The following TASP1 variants were observed in gnomAD, a reference collection of about 807,000 sequenced individuals.
TASP1 encodes taspase 1.
TASP1 carries 16 observed loss-of-function variants against 56.6 expected under a neutral mutation model. The ratio of observed to expected loss-of-function variants is 0.28; its 90% CI spans 0.19 to 0.43. TASP1 has a LOEUF of 0.43. Among genes scored for constraint, TASP1 ranks in the 20% least tolerant of loss-of-function variants. The pLI, the probability that TASP1 is intolerant of heterozygous loss-of-function variation, is 1.00. For synonymous variants in TASP1, 179 were observed against 184.2 expected (o/e 0.97, Z 0.23); for missense variants, 393 against 511.6 (o/e 0.77, Z 2.24).
At chr20:13,606,589 C>T (rs1028005372) in intron 4 of TASP1, among the ~76,000 whole-genome samples, 3 of 152,012 alleles carry the variant, frequency 2.0e-5, no homozygotes, top group East Asian at 1.9e-4. Flanking sequence ...GGGCAGATCA[C>T]GAGGTCAGGA....
chr20:13,562,915 A>ATGTGTGTG (rs199844282), intron 7 of TASP1, among the ~76,000 whole-genome samples: 2 of 128,680 alleles, frequency 1.6e-5, no homozygotes, highest in African/African-American at 6.0e-5. Flanking sequence ...ACATATATAT[A>ATGTGTGTG]TGTGTGTGTG....
At chr20:13,434,701 C>CCT (rs2042943080) in intron 12 of TASP1, among the ~76,000 whole-genome samples, 1 of 152,062 alleles carries the variant, frequency 6.6e-6, no homozygotes, top group South Asian at 2.1e-4. Flanking sequence ...CAGGAAGAAG[C>CCT]CTCTCTATTA....
In TASP1 at chr20:13,389,445, C is replaced by T. The variant is rs1376185941; in HGVS notation, c.*915G>A. The T allele has an allele frequency of 2.6e-5, 4 of 152,186 alleles. No individual in the cohort carries two copies. The highest frequency in any genetic ancestry group is 5.9e-5 in the Non-Finnish European group (4 of 68,032). 9.4% of individuals were successfully genotyped at this position (152,186 alleles called of 1,614,324 possible). On this transcript the variant is annotated 3_prime_UTR_variant, in exon 14 of 14. Coordinates refer to ENST00000337743, the MANE Select transcript of TASP1 (RefSeq NM_017714.3). ...CTGAGAAGAGGAGTCACATACTATA[C>T]CCAGTAATACGCTTCTTTTATTTTT... is the stretch of plus-strand genomic sequence containing the variant.
intron 10 of TASP1, among the ~76,000 whole-genome samples, chr20:13,501,569 T>C (rs1157821998): frequency 6.6e-6 from 1 of 151,774 alleles, no homozygotes; most frequent in Non-Finnish European, 1.5e-5. Flanking sequence ...ACATAATACA[T>C]AGAATGATGG....
chr20:13,300,782 G>C, the TASP1 span: 1 of 152,174 alleles, frequency 6.6e-6, no homozygotes, highest in Non-Finnish European at 1.5e-5. Flanking sequence ...CATGATTGTG[G>C]GTGGTGTAAG....
the TASP1 span, among the ~76,000 whole-genome samples, chr20:13,351,911 T>C: frequency 6.6e-6 from 1 of 152,220 alleles, no homozygotes; most frequent in Non-Finnish European, 1.5e-5. Context: ...ATATAACTAG[T>C]AAGCACTTGA....
chr20:13,247,903 CA>C, the TASP1 span, among the ~76,000 whole-genome samples: 2 of 152,168 alleles, frequency 1.3e-5, no homozygotes, highest in African/African-American at 2.4e-5. Context: ...AACCACAGTG[CA>C]AAAGTGACAT....
chr20:13,328,014 C>T, the TASP1 span, among the ~76,000 whole-genome samples: 5 of 152,100 alleles, frequency 3.3e-5, no homozygotes, highest in African/African-American at 4.8e-5. Flanking sequence ...TTAGAGTGAA[C>T]AGACAACCTA....
At chr20:13,511,939 C>G (rs576143225) in intron 10 of TASP1, among the ~76,000 whole-genome samples, 1 of 152,158 alleles carries the variant, frequency 6.6e-6, no homozygotes, top group South Asian at 2.1e-4. Flanking sequence ...ATGAACTCAT[C>G]CTTTTTTATG....
At chr20:13,524,658 T>C (rs1402471816) in intron 10 of TASP1, among the ~76,000 whole-genome samples, 2 of 152,308 alleles carry the variant, frequency 1.3e-5, no homozygotes, top group Non-Finnish European at 2.9e-5. Context: ...GAAAAGCTTT[T>C]ACTATAATTT....
intron 13 of TASP1, among the ~76,000 whole-genome samples, chr20:13,403,251 C>T (rs1405535146): frequency 6.6e-6 from 1 of 152,166 alleles, no homozygotes; most frequent in Non-Finnish European, 1.5e-5. Context: ...GTTAGAGTTG[C>T]ATTTTGTCAA....
At chr20:13,605,981 TCCAGC>T (rs1273070907) in intron 4 of TASP1, among the ~76,000 whole-genome samples, 6 of 152,094 alleles carry the variant, frequency 3.9e-5, no homozygotes, top group African/African-American at 1.4e-4. Context: ...CTTACCACAC[TCCAGC>T]CCACACTGCG....
chr20:13,387,174 A>T (rs1370797654), downstream of TASP1, among the ~76,000 whole-genome samples: 1 of 142,040 alleles, frequency 7.0e-6, no homozygotes, highest in Non-Finnish European at 1.5e-5. Flanking sequence ...GCCAGAGAGG[A>T]CATGATTTCA....
At chr20:13,585,375 T>G (rs2180569) in intron 5 of TASP1, among the ~76,000 whole-genome samples, 68,494 of 152,016 alleles carry the variant, frequency 0.45, 15,885 homozygotes, top group South Asian at 0.56. Context: ...AAACTTCTAT[T>G]CATCAAAAAA....
At chr20:13,382,664 G>A in the TASP1 span, among the ~76,000 whole-genome samples, 5 of 152,134 alleles carry the variant, frequency 3.3e-5, no homozygotes, top group African/African-American at 1.2e-4. Context: ...ATAAATAACT[G>A]TGTTTTGTCT....
the TASP1 span, among the ~76,000 whole-genome samples, chr20:13,286,223 T>C: frequency 6.6e-6 from 1 of 152,176 alleles, no homozygotes; most frequent in Non-Finnish European, 1.5e-5. Flanking sequence ...CCGCTGCACC[T>C]GGATGCTTCT....
At chr20:13,420,610 A>G (rs1010971442) in intron 12 of TASP1, among the ~76,000 whole-genome samples, 5 of 152,250 alleles carry the variant, frequency 3.3e-5, no homozygotes, top group African/African-American at 1.2e-4. Context: ...CATTACTTGT[A>G]GTACATGCAT....
the TASP1 span, among the ~76,000 whole-genome samples, chr20:13,289,886 A>G: frequency 6.6e-6 from 1 of 152,186 alleles, no homozygotes; most frequent in African/African-American, 2.4e-5. Context: ...GCTTTGGCTG[A>G]AAAAAATTTC....
At chr20:13,285,647 T>A in the TASP1 span, among the ~76,000 whole-genome samples, 1 of 152,134 alleles carries the variant, frequency 6.6e-6, no homozygotes, top group South Asian at 2.1e-4. Context: ...CCAAAGCAAG[T>A]CATGTGGCCC....
Sources: allele counts gnomAD v4.1 joint callset (sites outside exome capture counted in the v4.1 genomes callset), GRCh38; gene constraint gnomAD v4.1.1; transcripts MANE v1.5; gene names NCBI Gene and HGNC (gene_info 2026-07-23, HGNC 2026-07-21).